The following DNMT1 variants were observed in gnomAD, a reference collection of about 807,000 sequenced individuals.
The protein encoded by DNMT1 is DNA methyltransferase 1.
A neutral mutation model predicts 205.3 loss-of-function variants in DNMT1; 24 were observed. The observed-to-expected ratio is 0.12, with a 90% confidence interval of 0.08 to 0.16. DNMT1 has a LOEUF of 0.16. Among genes scored for constraint, DNMT1 ranks in the 10% least tolerant of loss-of-function variants. DNMT1 has a pLI of 1.00. For synonymous variants in DNMT1, 817 were observed against 839.8 expected, an observed-to-expected ratio of 0.97 and a Z score of 0.47; for missense variants, 1,293 against 2,177.7, an observed-to-expected ratio of 0.59 and a Z score of 8.09.
At chr19:10,160,234 C>T (rs556671971) in intron 14 of DNMT1, 150 bp downstream of exon 14, 1 of 1,505,258 alleles carries the variant, frequency 6.6e-7, no homozygotes, top group East Asian at 2.4e-5. Context: ...GGGCATCCTG[C>T]CTGACGCACC....
intron 31 of DNMT1, 76 bp downstream of exon 31, chr19:10,141,029 T>C: frequency 6.2e-7 from 1 of 1,612,936 alleles, no homozygotes; most frequent in South Asian, 1.1e-5. Flanking sequence ...CAGAGGTGGT[T>C]TTACACTGAG....
chr19:10,148,699 C>T (rs760582671), intron 27 of DNMT1, among the ~76,000 whole-genome samples, 185 bp downstream of exon 27: 2 of 151,324 alleles, frequency 1.3e-5, no homozygotes, highest in African/African-American at 2.4e-5. Context: ...GTCATCCACA[C>T]ACTTAAAGCA....
In DNMT1 at chr19:10,138,158, C is replaced by T; in HGVS notation, c.4116-149G>A. 2 of 1,138,720 alleles carry T rather than the reference C, an allele frequency of 1.8e-6. No homozygotes were observed. Among genetic ancestry groups the T allele is most frequent in the East Asian group, 2.6e-5 (1 of 38,972 alleles). The allele number at this position is 1,138,720 out of a possible 1,614,324, so 70.5% of individuals were successfully genotyped here. On this transcript the variant is annotated intron_variant, in intron 35 of 40. Transcript: ENST00000359526. The surrounding 1 kb of genome is among the most constrained non-coding windows in gnomAD (Gnocchi z 4.1). Reference sequence around the variant, plus strand: ...CATGGGTGGCAGTGTGCCTGGATGCCATCTGGAAGGGGGGATGGGGCTATG... The same window carrying T: ...CATGGGTGGCAGTGTGCCTGGATGCTATCTGGAAGGGGGGATGGGGCTATG...
chr19:10,173,630 T>TA (rs953684084), intron 8 of DNMT1, among the ~76,000 whole-genome samples: 2 of 151,942 alleles, frequency 1.3e-5, no homozygotes, highest in Non-Finnish European at 2.9e-5. Context: ...TAGCTGGGAT[T>TA]AAAGGCACAT....
chr19:10,189,657 G>A (rs895515407), intron 1 of DNMT1, among the ~76,000 whole-genome samples: 5 of 151,448 alleles, frequency 3.3e-5, no homozygotes, highest in Admixed American at 6.6e-5. Flanking sequence ...TGGCTCAAGC[G>A]ATCCTCCTGC....
At position 10,146,500 on chromosome 19, in the gene DNMT1, C is replaced by T; in HGVS notation, c.2745G>A (p.Leu915=). Reference sequence around the variant, plus strand: ...GGATTTCTTTTTGCCTCATCTCAGCCAGACGGGCACAGCTCACACAGAATC... The same window carrying T: ...GGATTTCTTTTTGCCTCATCTCAGCTAGACGGGCACAGCTCACACAGAATC... ...KFKFCVSCAR[L]AEMRQKEIPR... Residue 915 remains leucine (L), a synonymous_variant, in exon 28 of 41, where the codon CTG becomes CTA. Coordinates refer to ENST00000359526, the MANE Select transcript of DNMT1 (RefSeq NM_001130823.3). The surrounding 1 kb of genome is among the most constrained non-coding windows in gnomAD (Gnocchi z 4.4). The T allele has an allele frequency of 6.2e-7, 1 of 1,614,100 alleles. No homozygotes were observed. The highest frequency in any genetic ancestry group is 8.5e-7 in the Non-Finnish European group (1 of 1,180,028).
chr19:10,148,750 G>A, intron 27 of DNMT1, 134 bp downstream of exon 27: 2 of 1,473,050 alleles, frequency 1.4e-6, no homozygotes, highest in Non-Finnish European at 1.9e-6. Context: ...TTCATAGTCA[G>A]GCTGGCCTTT....
chr19:10,142,631 T>A, intron 29 of DNMT1, among the ~76,000 whole-genome samples: 3 of 107,798 alleles, frequency 2.8e-5, no homozygotes, highest in Admixed American at 9.4e-5. Context: ...CCGACCCAGT[T>A]GGGAACCGCA....
Position 10,133,951 on chromosome 19 carries a change from G to A in DNMT1, c.4865-250C>T, listed in dbSNP as rs536625568. On this transcript the variant is annotated intron_variant, in intron 40 of 40. Coordinates refer to ENST00000359526, the MANE Select transcript of DNMT1 (RefSeq NM_001130823.3). The surrounding 1 kb of genome is among the most constrained non-coding windows in gnomAD (Gnocchi z 4.1). ...AGGTGCCTGCTGAGCCAAATTCACCGAGCAGGAGTGAGGGAAACGGCCCCA... is the reference window on the plus strand; with the variant it reads ...AGGTGCCTGCTGAGCCAAATTCACCAAGCAGGAGTGAGGGAAACGGCCCCA... 5.3e-5 allele frequency among the ~76,000 whole-genome samples: 8 copies of A among 152,216 alleles called. No individual in the cohort carries two copies. The highest frequency in any genetic ancestry group is 2.1e-4 in the South Asian group (1 of 4,830).
Position 10,137,406 on chromosome 19 carries a change from G to C in DNMT1, c.4294-126C>G. ...CCTGGGGCTCACGCCCATCGGGAAA[G>C]AGACAGTCAGGGATATCGCACTTGG... On this transcript the variant is annotated intron_variant, in intron 36 of 40. Transcript: ENST00000359526. This position sits in a 1 kb window ranked among gnomAD's most constrained non-coding sequence, Gnocchi z 6.4. 8.2e-7 allele frequency: 1 copy of C among 1,224,318 alleles called. No individual in the cohort carries two copies. Among genetic ancestry groups the C allele is most frequent in the Non-Finnish European group, 1.1e-6 (1 of 878,156 alleles). The allele number at this position is 1,224,318 out of a possible 1,614,324, so 75.8% of individuals were successfully genotyped here. A position where few individuals can be genotyped will look rare whatever the true frequency, so the allele number is the denominator to read the frequency against.
intron 29 of DNMT1, among the ~76,000 whole-genome samples, chr19:10,143,349 G>A (rs1462603071): frequency 6.6e-6 from 1 of 151,892 alleles, no homozygotes; most frequent in African/African-American, 2.4e-5. Context: ...CCAAGTAGCT[G>A]GGATTACAGG....
intron 6 of DNMT1, 127 bp from the exon 7 acceptor site, chr19:10,175,745 G>T: frequency 1.1e-6 from 1 of 904,884 alleles, no homozygotes; most frequent in Non-Finnish European, 1.8e-6. Flanking sequence ...TGAATGACGG[G>T]TTTAGAATGT....
At chr19:10,162,798 A>T in intron 12 of DNMT1, 50 bp from the exon 13 acceptor site, 1 of 1,591,402 alleles carries the variant, frequency 6.3e-7, no homozygotes, top group Admixed American at 1.7e-5. Context: ...AACACTAACC[A>T]CATCGCCAAC....
chr19:10,194,041 C>T (rs2039354024), intron 1 of DNMT1, among the ~76,000 whole-genome samples: 1 of 152,182 alleles, frequency 6.6e-6, no homozygotes, highest in African/African-American at 2.4e-5. Context: ...CACACAAACA[C>T]ACACGAAAGT....
At position 10,148,896 on chromosome 19, in the gene DNMT1, T is replaced by C; in HGVS notation, c.2708A>G (p.Asp903Gly). ...CCCCAGTGCTCACTTGAACTTGTTG[T>C]CCTCTGTTGGCTGGGTTTTTGGAGG... Reference protein sequence around the residue: ...ESPPKTQPTEDNKFKFCVSCA... With the variant: ...ESPPKTQPTEGNKFKFCVSCA... The change falls in exon 27 of 41, where the codon GAC (aspartate) becomes GGC (glycine). Residue 903 changes from aspartate (D) to glycine (G), a missense_variant. Physicochemically the swap from Asp to Gly is moderately conservative, Grantham distance 94 (BLOSUM62 -1). Transcript: ENST00000359526. 1.2e-6 allele frequency: 2 copies of C among 1,614,170 alleles called. No homozygotes were observed. Among genetic ancestry groups the C allele is most frequent in the Non-Finnish European group, 1.7e-6 (2 of 1,180,022 alleles).
intron 9 of DNMT1, among the ~76,000 whole-genome samples, chr19:10,170,997 G>C (rs963978555): frequency 3.3e-5 from 5 of 151,958 alleles, no homozygotes; most frequent in Non-Finnish European, 1.5e-5. Flanking sequence ...TTGCAGAGAC[G>C]GGGTCTCACT....
rs144025419 is a variant in DNMT1 at position 10,181,285 on chromosome 19, A to G, written c.118-400T>C. 2.3e-3 allele frequency among the ~76,000 whole-genome samples: 350 copies of G among 152,144 alleles called. 3 individuals are homozygous for G. Among genetic ancestry groups the G allele is most frequent in the African/African-American group, 8.0e-3 (331 of 41,514 alleles). On this transcript the variant is annotated intron_variant, in intron 2 of 40. Coordinates refer to ENST00000359526, the MANE Select transcript of DNMT1 (RefSeq NM_001130823.3). ...CAACATGACAAAATCCCATCTTTAC[A>G]AAAAATATTTAAAAATTAGCTGGGC...
Position 10,133,685 on chromosome 19 carries a change from C to A in DNMT1, c.4881G>T (p.Glu1627Asp). 1 of 1,597,194 alleles carries A rather than the reference C, an allele frequency of 6.3e-7. No individual in the cohort carries two copies. Among genetic ancestry groups the A allele is most frequent in the East Asian group, 2.3e-5 (1 of 44,238 alleles). ...RESASAKIKE[E>D]EAAKD Reference sequence around the variant, plus strand: ...GGCAGAACTAGTCCTTAGCAGCTTCCTCCTCCTTTATTTTAGCTGAAGGGA... The same window carrying A: ...GGCAGAACTAGTCCTTAGCAGCTTCATCCTCCTTTATTTTAGCTGAAGGGA... Residue 1627 changes from glutamate to aspartate, a missense_variant, in exon 41 of 41, where the codon GAG becomes GAT. Glu to Asp is a conservative substitution (Grantham distance 45, BLOSUM62 2). Transcript: ENST00000359526. This position sits in a 1 kb window ranked among gnomAD's most constrained non-coding sequence, Gnocchi z 4.1.
In DNMT1 at chr19:10,151,895, C is replaced by A; in HGVS notation, c.2020-48G>T. The A allele has an allele frequency of 1.3e-6, 2 of 1,569,664 alleles. No individual in the cohort carries two copies. Among genetic ancestry groups the A allele is most frequent in the South Asian group, 2.2e-5 (2 of 90,108 alleles). ...CAAATCAGGGCTGGGCACAGTGGTT[C>A]ATGCCTGTAATCCCAGTATTTCAGA... On this transcript the variant is annotated intron_variant, in intron 22 of 40. Transcript: ENST00000359526. This position sits in a 1 kb window ranked among gnomAD's most constrained non-coding sequence, Gnocchi z 5.0.
Sources: gnomAD v4.1 joint callset for allele counts (sites outside exome capture counted in the v4.1 genomes callset) on GRCh38, gnomAD v4.1.1 for gene constraint, Gnocchi (gnomAD v3.1) non-coding constraint, MANE v1.5 for transcripts, NCBI Gene and HGNC (gene_info 2026-07-23, HGNC 2026-07-21) for gene names.